FSIP1: variants seen among roughly 807,000 people sequenced by gnomAD.
The protein encoded by FSIP1 is fibrous sheath-interacting protein 1.
In FSIP1, 65 loss-of-function variants were observed where a neutral mutation model predicts 60.9. The ratio of observed to expected loss-of-function variants is 1.07; its 90% CI spans 0.87 to 1.31. FSIP1 has a LOEUF of 1.31. FSIP1 is among the 40% of genes most tolerant of loss of function. The probability of loss-of-function intolerance (pLI) is 0.00; values close to 1 mark genes in which losing one functional copy is unlikely to be tolerated. For missense variants in FSIP1, 675 were observed against 665.5 expected, an observed-to-expected ratio of 1.01 and a Z score of -0.16; for synonymous variants, 209 against 221.2, an observed-to-expected ratio of 0.94 and a Z score of 0.49.
chr15:39,643,491 A>G (rs1892460893), intron 10 of FSIP1, among the ~76,000 whole-genome samples: 1 of 152,200 alleles, frequency 6.6e-6, no homozygotes, highest in South Asian at 2.1e-4. Flanking sequence ...GAGGTACCTA[A>G]AAGGAGTTGT....
At position 39,782,798 on chromosome 15, in the gene FSIP1, C is replaced by G. The variant is rs777010908; in HGVS notation, c.-178G>C. On this transcript the variant is annotated 5_prime_UTR_variant, in exon 1 of 12. Coordinates refer to ENST00000350221, the MANE Select transcript of FSIP1 (RefSeq NM_152597.5). ...GAAGAAGCCGCCGGTCCAGATCCCTCCTGCCTGTGGGACCGCTGTTTCCCT... is the reference window on the plus strand; with the variant it reads ...GAAGAAGCCGCCGGTCCAGATCCCTGCTGCCTGTGGGACCGCTGTTTCCCT... 6.6e-6 allele frequency: 1 copy of G among 152,634 alleles called. No homozygotes were observed. Among genetic ancestry groups the G allele is most frequent in the African/African-American group, 2.4e-5 (1 of 41,464 alleles). The allele number at this position is 152,634 out of a possible 1,614,324, so 9.5% of individuals were successfully genotyped here. A position where few individuals can be genotyped will look rare whatever the true frequency, so the allele number is the denominator to read the frequency against.
At chr15:39,651,487 A>C (rs1892866738) in intron 10 of FSIP1, among the ~76,000 whole-genome samples, 1 of 152,206 alleles carries the variant, frequency 6.6e-6, no homozygotes, top group Non-Finnish European at 1.5e-5. Context: ...TTTCCTCCTC[A>C]CAGCAGGTGT....
intron 9 of FSIP1, among the ~76,000 whole-genome samples, chr15:39,719,361 C>G (rs76391515): frequency 6.6e-6 from 1 of 152,194 alleles, no homozygotes; most frequent in African/African-American, 2.4e-5. Context: ...AATAAAAGCT[C>G]TCCTCCATAT....
At chr15:39,672,496 C>T (rs557785600) in intron 10 of FSIP1, among the ~76,000 whole-genome samples, 21 of 152,220 alleles carry the variant, frequency 1.4e-4, no homozygotes, top group African/African-American at 4.1e-4. Flanking sequence ...TTTGGCACTG[C>T]GGTTCTTTAT....
intron 10 of FSIP1, among the ~76,000 whole-genome samples, chr15:39,639,599 T>C (rs929478385): frequency 6.6e-6 from 1 of 152,172 alleles, no homozygotes; most frequent in African/African-American, 2.4e-5. Context: ...TTCTCATGAG[T>C]CCTGTGACTC....
rs1486879240 is a variant in FSIP1 at position 39,770,490 on chromosome 15, C to A, written c.247G>T (p.Ala83Ser). The part of the protein sequence containing the change: ...QESCSEKIKL[A>S]EEGSDEDLDL... Reference sequence around the variant, plus strand: ...AGATCTTCATCTGATCCCTCTTCAGCCAATTTTATTTTCTCAGAGCAGCTT... The same window carrying A: ...AGATCTTCATCTGATCCCTCTTCAGACAATTTTATTTTCTCAGAGCAGCTT... The change falls in exon 3 of 12, where the codon GCT (alanine) becomes TCT (serine). Residue 83 changes from alanine (A) to serine (S), a missense_variant. Transcript: ENST00000350221. The A allele has an allele frequency of 5.6e-6, 9 of 1,611,762 alleles. No individual in the cohort carries two copies. Among genetic ancestry groups the A allele is most frequent in the Non-Finnish European group, 7.6e-6 (9 of 1,179,614 alleles).
chr15:39,761,284 C>T (rs1206065761), intron 5 of FSIP1, among the ~76,000 whole-genome samples: 1 of 152,200 alleles, frequency 6.6e-6, no homozygotes, highest in South Asian at 2.1e-4. Context: ...ATGCTCACTG[C>T]AGCACTACTC....
At chr15:39,653,326 T>TGTAA (rs1371707422) in intron 10 of FSIP1, among the ~76,000 whole-genome samples, 14 of 152,160 alleles carry the variant, frequency 9.2e-5, no homozygotes, top group Admixed American at 9.2e-4. Flanking sequence ...TTATAAACAC[T>TGTAA]GTACACTTAG....
rs749514987 is a variant in FSIP1 at position 39,713,475 on chromosome 15, T to C, written c.1157A>G (p.Asp386Gly). 2.5e-6 allele frequency: 4 copies of C among 1,599,008 alleles called. No individual in the cohort carries two copies. In the African/African-American group the frequency reaches 4.1e-5, roughly 16 times the overall value. The change falls in exon 10 of 12, where the codon GAT becomes GGT. Residue 386 changes from aspartate (D) to glycine (G), a missense_variant. Coordinates refer to ENST00000350221, the MANE Select transcript of FSIP1 (RefSeq NM_152597.5). ...TTCCTTCATCATTTTCAGCTTTTCA[T>C]CAATCTCTCTCAGCCGATTATGCAG... is the stretch of plus-strand genomic sequence containing the variant. The part of the protein sequence containing the change: ...RDLHNRLREI[D>G]EKLKMMKENV...
intron 10 of FSIP1, among the ~76,000 whole-genome samples, chr15:39,620,837 C>T (rs960074244): frequency 6.6e-6 from 1 of 150,392 alleles, no homozygotes; most frequent in Non-Finnish European, 1.5e-5. Context: ...AACTTCTGAC[C>T]TCAAGTGATC....
At chr15:39,727,110 C>T (rs1392704404) in intron 8 of FSIP1, among the ~76,000 whole-genome samples, 2 of 152,192 alleles carry the variant, frequency 1.3e-5, no homozygotes, top group Admixed American at 6.5e-5. Flanking sequence ...TGTAATGGGA[C>T]ATGGTATTTT....
intron 10 of FSIP1, among the ~76,000 whole-genome samples, chr15:39,670,420 T>G (rs1231345525): frequency 1.3e-5 from 2 of 152,222 alleles, no homozygotes; most frequent in African/African-American, 4.8e-5. Flanking sequence ...TAAAAATAAA[T>G]GAAAAGAACC....
At chr15:39,633,669 A>C (rs1473226831) in intron 10 of FSIP1, among the ~76,000 whole-genome samples, 3 of 152,188 alleles carry the variant, frequency 2.0e-5, no homozygotes, top group Non-Finnish European at 2.9e-5. Context: ...TAAATATATA[A>C]ATTTGAAGAT....
At chr15:39,660,850 G>A (rs1893267708) in intron 10 of FSIP1, among the ~76,000 whole-genome samples, 2 of 152,166 alleles carry the variant, frequency 1.3e-5, no homozygotes, top group South Asian at 4.1e-4. Flanking sequence ...ATTACCTGAG[G>A]TCAGGAGTTC....
chr15:39,739,833 C>A, intron 6 of FSIP1, 44 bp from the exon 7 acceptor site: 2 of 1,255,388 alleles, frequency 1.6e-6, no homozygotes, highest in East Asian at 2.5e-5. Context: ...TTAAAAGTGT[C>A]AATTATGCTA....
At chr15:39,770,681 T>C in intron 2 of FSIP1, 71 bp from the exon 3 acceptor site, 3 of 979,526 alleles carry the variant, frequency 3.1e-6, no homozygotes, top group Non-Finnish European at 4.3e-6. Context: ...ATTTCTAGAA[T>C]ATTTTGACAC....
chr15:39,677,013 T>A (rs1348011732), intron 10 of FSIP1, among the ~76,000 whole-genome samples: 1 of 152,162 alleles, frequency 6.6e-6, no homozygotes, highest in East Asian at 1.9e-4. Context: ...TATTTGTGAG[T>A]GGCAGAAAGT....
intron 3 of FSIP1, among the ~76,000 whole-genome samples, chr15:39,767,050 A>G (rs1238023263): frequency 1.3e-5 from 2 of 152,066 alleles, no homozygotes; most frequent in Admixed American, 6.5e-5. Flanking sequence ...GGGTCTCACT[A>G]TGGTGCCCAG....
At chr15:39,610,617 G>A (rs759710681) in intron 11 of FSIP1, among the ~76,000 whole-genome samples, 1 of 152,188 alleles carries the variant, frequency 6.6e-6, no homozygotes, top group Non-Finnish European at 1.5e-5. Context: ...AGTGAGCCAG[G>A]ATCATGCCAC....
Sources: gnomAD v4.1 joint callset for allele counts (sites outside exome capture counted in the v4.1 genomes callset) on GRCh38, gnomAD v4.1.1 for gene constraint, MANE v1.5 for transcripts, NCBI Gene and HGNC (gene_info 2026-07-23, HGNC 2026-07-21) for gene names.